EXT2: variants seen among roughly 807,000 people sequenced by gnomAD.
EXT2 encodes the protein exostosin-2.
Under a neutral mutation model 81.6 loss-of-function variants are expected in EXT2, and 53 were observed. The observed-to-expected ratio is 0.65, with a 90% CI of 0.52 to 0.82. EXT2 has a LOEUF of 0.82. Among genes scored for constraint, EXT2 ranks in the 40% least tolerant of loss-of-function variants. EXT2 has a pLI of 0.00. For synonymous variants in EXT2, 320 were observed against 340.0 expected (o/e 0.94, Z 0.65); for missense variants, 774 against 910.2 (o/e 0.85, Z 1.93).
intron 7 of EXT2, among the ~76,000 whole-genome samples, chr11:44,165,628 GCCGTCT>G (rs561333497): frequency 8.5e-4 from 129 of 152,276 alleles, no homozygotes; most frequent in African/African-American, 3.0e-3. Context: ...CCCAAAAGCT[GCCGTCT>G]CCACTGTGAT....
intron 13 of EXT2, among the ~76,000 whole-genome samples, chr11:44,237,579 G>A (rs1340171411): frequency 6.6e-6 from 1 of 152,034 alleles, no homozygotes; most frequent in Non-Finnish European, 1.5e-5. Flanking sequence ...CATTGTCTGT[G>A]GTTGGGGAAA....
rs547567263 is a variant in EXT2 at position 44,131,983 on chromosome 11, G to A, written c.1173+1845G>A. Among the ~76,000 whole-genome samples, 177 of 152,290 alleles carry A rather than the reference G, an allele frequency of 1.2e-3. 1 individual carries two copies. Among genetic ancestry groups the A allele is most frequent in the African/African-American group, 4.0e-3 (168 of 41,568 alleles). On this transcript the variant is annotated intron_variant, in intron 7 of 13. Coordinates refer to ENST00000533608, the MANE Select transcript of EXT2 (RefSeq NM_207122.2). ...ACTCTTGACCCCAAGTGATCCGCCC[G>A]CCTCGGCTTCCCAAAATGCTGGGAT...
At chr11:44,114,996 G>T (rs1215184654) in intron 4 of EXT2, among the ~76,000 whole-genome samples, 7 of 152,092 alleles carry the variant, frequency 4.6e-5, no homozygotes, top group African/African-American at 1.7e-4. Context: ...TTGTGCCTTA[G>T]GTTTCAGCTT....
At chr11:44,177,949 G>C (rs1955181864) in intron 8 of EXT2, among the ~76,000 whole-genome samples, 1 of 152,158 alleles carries the variant, frequency 6.6e-6, no homozygotes, top group Non-Finnish European at 1.5e-5. Context: ...ATGAAATCTA[G>C]CCAGAGTGGC....
intron 8 of EXT2, among the ~76,000 whole-genome samples, chr11:44,186,595 A>G (rs139713986): frequency 2.0e-5 from 3 of 152,254 alleles, no homozygotes; most frequent in Non-Finnish European, 2.9e-5. Flanking sequence ...TCAGTGCTAT[A>G]TGAAGAAAAA....
chr11:44,190,587 A>G (rs923333244), intron 8 of EXT2, among the ~76,000 whole-genome samples: 4 of 152,240 alleles, frequency 2.6e-5, no homozygotes, highest in Non-Finnish European at 4.4e-5. Flanking sequence ...CATAGTGACA[A>G]AAAATCTCTG....
chr11:44,155,781 T>TA, intron 7 of EXT2, among the ~76,000 whole-genome samples: 1 of 152,318 alleles, frequency 6.6e-6, no homozygotes, highest in Non-Finnish European at 1.5e-5. Context: ...ACACCATAAT[T>TA]ACAGTGTTAT....
chr11:44,212,971 G>A (rs1955670315), intron 10 of EXT2, among the ~76,000 whole-genome samples: 1 of 151,960 alleles, frequency 6.6e-6, no homozygotes. Context: ...TATGGTGGTG[G>A]TTATATCATT....
rs562722724 is a variant in EXT2, at chr11:44,171,900, T to G, written c.1305+158T>G. The G allele has an allele frequency of 1.0e-4, 114 of 1,107,964 alleles. No homozygotes were observed. In the South Asian group the frequency reaches 1.5e-3, roughly 15 times the overall value. The allele number at this position is 1,107,964 out of a possible 1,614,324, so 68.6% of individuals were successfully genotyped here. On this transcript the variant is annotated intron_variant, in intron 8 of 13. Transcript: ENST00000533608. Reference sequence around the variant, plus strand: ...GGGGCCTGATAAGGGCAGCATAATTTTGAAACACTGACAAAAGTAAAAAAT... The same window carrying G: ...GGGGCCTGATAAGGGCAGCATAATTGTGAAACACTGACAAAAGTAAAAAAT...
chr11:44,184,550 G>A lies in EXT2; in HGVS notation c.1305+12808G>A, dbSNP rs546534157. ...GTGGATCACGAGGTCAGGAGATGGA[G>A]ACCATCCTGGCTAACAAGGTGAAAC... On this transcript the variant is annotated intron_variant, in intron 8 of 13. Coordinates refer to ENST00000533608, the MANE Select transcript of EXT2 (RefSeq NM_207122.2). 6.0e-4 allele frequency among the ~76,000 whole-genome samples: 92 copies of A among 152,206 alleles called. 1 individual carries two copies. Among genetic ancestry groups the A allele is most frequent in the African/African-American group, 2.0e-3 (81 of 41,530 alleles).
At chr11:44,173,991 G>A (rs1431599404) in intron 8 of EXT2, among the ~76,000 whole-genome samples, 2 of 152,150 alleles carry the variant, frequency 1.3e-5, no homozygotes, top group Admixed American at 6.5e-5. Context: ...CATTTTAAAT[G>A]TTGATAGATA....
At chr11:44,151,459 T>C (rs903302613) in intron 7 of EXT2, among the ~76,000 whole-genome samples, 1 of 152,328 alleles carries the variant, frequency 6.6e-6, no homozygotes, top group South Asian at 2.1e-4. Flanking sequence ...TGAAGTCATA[T>C]AGTTGAAATT....
intron 4 of EXT2, among the ~76,000 whole-genome samples, chr11:44,122,981 T>A (rs1257639337): frequency 6.6e-6 from 1 of 152,230 alleles, no homozygotes; most frequent in Non-Finnish European, 1.5e-5. Context: ...CTTTTTTTCT[T>A]AATTGTGATG....
At chr11:44,243,119 G>A (rs188167962) in intron 13 of EXT2, among the ~76,000 whole-genome samples, 249 of 152,258 alleles carry the variant, frequency 1.6e-3, no homozygotes, top group Non-Finnish European at 2.3e-3. Flanking sequence ...AGAGAAGTTT[G>A]TTCTTTTTGT....
At position 44,244,426 on chromosome 11, in the gene EXT2, C is replaced by G. The variant is rs191451519; in HGVS notation, c.*139C>G. On this transcript the variant is annotated 3_prime_UTR_variant, in exon 14 of 14. Coordinates refer to ENST00000533608, the MANE Select transcript of EXT2 (RefSeq NM_207122.2). The stretch of plus-strand genomic sequence containing the variant: ...GATCTTGGCATGCACCCACCTAACC[C>G]ACTTTCTCAAGAACAAGAACCTAGA... The G allele has an allele frequency of 1.8e-4, 151 of 827,296 alleles. No homozygotes were observed. In the East Asian group the frequency reaches 3.4e-3, roughly 18 times the overall value. The allele number at this position is 827,296 out of a possible 1,614,324, so 51.2% of individuals were successfully genotyped here. A position where few individuals can be genotyped will look rare whatever the true frequency, so the allele number is the denominator to read the frequency against.
chr11:44,196,856 C>G (rs1007143258), intron 8 of EXT2, among the ~76,000 whole-genome samples: 9 of 152,170 alleles, frequency 5.9e-5, no homozygotes, highest in African/African-American at 9.7e-5. Context: ...TTCTGACATT[C>G]ATGCTGAAGA....
chr11:44,095,929 T>G (rs2134930649), intron 1 of EXT2, 77 bp downstream of exon 1: 6 of 315,438 alleles, frequency 1.9e-5, no homozygotes, highest in South Asian at 6.1e-5. Context: ...CGCTGCTGGG[T>G]CGGGACAAGG....
intron 10 of EXT2, among the ~76,000 whole-genome samples, chr11:44,212,497 G>A (rs191953783): frequency 1.9e-3 from 284 of 152,190 alleles, no homozygotes; most frequent in African/African-American, 6.6e-3. Flanking sequence ...TGACAATACT[G>A]AGTGTTGGTG....
At chr11:44,218,190 C>T (rs1383506864) in intron 10 of EXT2, among the ~76,000 whole-genome samples, 1 of 152,158 alleles carries the variant, frequency 6.6e-6, no homozygotes, top group South Asian at 2.1e-4. Context: ...TCTCAAAGAA[C>T]CATGGAAGAC....
Sources: allele counts gnomAD v4.1 joint callset (sites outside exome capture counted in the v4.1 genomes callset), GRCh38; gene constraint gnomAD v4.1.1; transcripts MANE v1.5; gene names NCBI Gene and HGNC (gene_info 2026-07-23, HGNC 2026-07-21).